The following ANKRD27 variants were observed in gnomAD, a reference collection of about 807,000 sequenced individuals.
The protein encoded by ANKRD27 is ankyrin repeat domain 27.
ANKRD27 carries 112 observed loss-of-function variants against 129.7 expected under a neutral mutation model. The ratio of observed to expected loss-of-function variants is 0.86; its 90% CI spans 0.74 to 1.01. ANKRD27 has a LOEUF of 1.01. ANKRD27 is among the 50% of genes least tolerant of loss of function. The probability of loss-of-function intolerance (pLI) is 0.00; values close to 1 mark genes in which losing one functional copy is unlikely to be tolerated. For synonymous variants in ANKRD27, 516 were observed against 511.2 expected, an observed-to-expected ratio of 1.01 and a Z score of -0.13; for missense variants, 1,258 against 1,300.5, an observed-to-expected ratio of 0.97 and a Z score of 0.50.
intron 1 of ANKRD27, among the ~76,000 whole-genome samples, chr19:32,663,206 G>A (rs144217646): frequency 6.6e-6 from 1 of 152,150 alleles, no homozygotes; most frequent in Non-Finnish European, 1.5e-5. Flanking sequence ...AAAGGCCATG[G>A]GGGGAGAGCG....
At chr19:32,606,176 AGAGTCTCGCTCTGTCGCCCAGGCTG>A (rs1188149816) in intron 23 of ANKRD27, among the ~76,000 whole-genome samples, 85 of 135,410 alleles carry the variant, frequency 6.3e-4, no homozygotes, top group Non-Finnish European at 1.1e-3. Flanking sequence ...TTTTCCAGAC[AGAGTCTCGCTCTGTCGCCCAGGCTG>A]GAGTGCAGTG....
intron 13 of ANKRD27, among the ~76,000 whole-genome samples, chr19:32,629,344 A>C (rs1966948685): frequency 6.6e-6 from 1 of 152,130 alleles, no homozygotes; most frequent in African/African-American, 2.4e-5. Context: ...CAACTGCACA[A>C]TGGTGGCCGG....
chr19:32,611,576 G>A (rs560399391), intron 22 of ANKRD27, among the ~76,000 whole-genome samples: 3 of 152,210 alleles, frequency 2.0e-5, no homozygotes, highest in South Asian at 4.1e-4. Flanking sequence ...ATTTTATAAA[G>A]TCAAATCCAT....
At chr19:32,656,753 C>G (rs1212199919) in intron 2 of ANKRD27, among the ~76,000 whole-genome samples, 1 of 149,786 alleles carries the variant, frequency 6.7e-6, no homozygotes, top group Non-Finnish European at 1.5e-5. Context: ...TCACTGTATT[C>G]TAGCCCAGGC....
intron 13 of ANKRD27, among the ~76,000 whole-genome samples, chr19:32,630,427 C>T (rs985366310): frequency 1.3e-5 from 2 of 152,238 alleles, no homozygotes; most frequent in African/African-American, 4.8e-5. Flanking sequence ...AGTCAGGCAC[C>T]GTGTTCCCAA....
rs1023689219 is a variant in ANKRD27 at position 32,644,209 on chromosome 19, A to G, written c.525+116T>C. 50 of 1,219,552 alleles carry G rather than the reference A, an allele frequency of 4.1e-5. 1 individual carries two copies. The highest frequency in any genetic ancestry group is 5.2e-5 in the Non-Finnish European group (45 of 869,696). 75.5% of individuals were successfully genotyped at this position (1,219,552 alleles called of 1,614,324 possible). On this transcript the variant is annotated intron_variant, in intron 5 of 28. Coordinates refer to ENST00000306065, the MANE Select transcript of ANKRD27 (RefSeq NM_032139.3). ...TTATAGTTAGAGAGAAACATTTTTA[A>G]AAGACTTCAAACAGTGAGGCAGCAC...
At chr19:32,657,461 CAAA>C (rs397859964) in intron 2 of ANKRD27, among the ~76,000 whole-genome samples, 1 of 98,300 alleles carries the variant, frequency 1.0e-5, no homozygotes, top group Admixed American at 1.2e-4. Flanking sequence ...GGCTCTGTCT[CAAA>C]AAAAAAAAAA....
intron 2 of ANKRD27, among the ~76,000 whole-genome samples, chr19:32,656,763 C>T (rs535766031): frequency 1.1e-3 from 164 of 146,610 alleles, no homozygotes; most frequent in African/African-American, 4.0e-3. Context: ...CTAGCCCAGG[C>T]TGGGGGACAA....
chr19:32,630,780 G>A (rs1039525505), intron 13 of ANKRD27, among the ~76,000 whole-genome samples: 9 of 152,102 alleles, frequency 5.9e-5, no homozygotes, highest in African/African-American at 9.6e-5. Context: ...ACAGGTGCCC[G>A]CCACCACACC....
At chr19:32,653,854 G>C (rs1348953529) in intron 2 of ANKRD27, among the ~76,000 whole-genome samples, 1 of 152,196 alleles carries the variant, frequency 6.6e-6, no homozygotes, top group Non-Finnish European at 1.5e-5. Flanking sequence ...TGCACGCAGG[G>C]AGAAGCGTGG....
rs146818631 is a variant in ANKRD27 at position 32,598,213 on chromosome 19, C to T, written c.3085G>A (p.Val1029Met). ...LRRHTVEDAV[V>M]SQGPEAAGPL... The stretch of plus-strand genomic sequence containing the variant: ...CCAGCAGCCTCCGGGCCCTGGGACA[C>T]GACCGCATCCTCTACCGTGTGTCTC... The change falls in exon 29 of 29, where the codon GTG becomes ATG. Residue 1029 changes from valine (V) to methionine (M), a missense_variant. By Grantham distance (21) the Val-to-Met change is conservative. Coordinates refer to ENST00000306065, the MANE Select transcript of ANKRD27 (RefSeq NM_032139.3). 66 of 1,614,130 alleles carry T rather than the reference C, an allele frequency of 4.1e-5. No homozygotes were observed. The highest frequency in any genetic ancestry group is 2.0e-4 in the African/African-American group (15 of 75,024).
intron 1 of ANKRD27, among the ~76,000 whole-genome samples, chr19:32,674,619 G>A (rs1425046034): frequency 6.6e-6 from 1 of 151,950 alleles, no homozygotes; most frequent in Non-Finnish European, 1.5e-5. Flanking sequence ...CCCGCTCCGC[G>A]CCCTCATCAC....
At chr19:32,635,353 T>G (rs111465047) in intron 12 of ANKRD27, among the ~76,000 whole-genome samples, 1 of 152,132 alleles carries the variant, frequency 6.6e-6, no homozygotes, top group African/African-American at 2.4e-5. Context: ...CACAGCCTCA[T>G]AGAAAACAAG....
intron 12 of ANKRD27, chr19:32,637,392 C>T (rs1358414098): frequency 3.3e-5 from 5 of 152,322 alleles, no homozygotes; most frequent in Admixed American, 2.0e-4. Context: ...AAGATTCTCA[C>T]GATTCACATA....
In ANKRD27 at chr19:32,640,379, A is replaced by G. The variant is rs1204022773; in HGVS notation, c.911T>C (p.Leu304Pro). The change falls in exon 11 of 29, where the codon CTG (leucine) becomes CCG (proline). Residue 304 changes from leucine to proline, a missense_variant. Leu to Pro is a moderately conservative substitution (Grantham distance 98). Transcript: ENST00000306065. ...CAGATCATCAGCACACATGGTCTCCAGGTTCACTGCAAAGGGGAAACACAC... is the reference window on the plus strand; with the variant it reads ...CAGATCATCAGCACACATGGTCTCCGGGTTCACTGCAAAGGGGAAACACAC... ...ITQSPSQRVN[L>P]ETMCADDLLS... is the part of the protein sequence containing the mutation. 2 of 1,613,878 alleles carry G rather than the reference A, an allele frequency of 1.2e-6. No individual in the cohort carries two copies. The highest frequency in any genetic ancestry group is 1.7e-6 in the Non-Finnish European group (2 of 1,179,774).
At chr19:32,630,415 G>A (rs955492560) in intron 13 of ANKRD27, among the ~76,000 whole-genome samples, 1 of 152,220 alleles carries the variant, frequency 6.6e-6, no homozygotes, top group Non-Finnish European at 1.5e-5. Flanking sequence ...AGACCACCAG[G>A]AAGTCAGGCA....
Position 32,624,291 on chromosome 19 carries a change from C to T in ANKRD27, c.1629+1583G>A, listed in dbSNP as rs370354508. ...CTGAGGCAGGAGAATCGCTTGAACC[C>T]GGGAGGCAGAGGTTGCAGTGAGCCA... On this transcript the variant is annotated intron_variant, in intron 17 of 28. Coordinates refer to ENST00000306065, the MANE Select transcript of ANKRD27 (RefSeq NM_032139.3). Among the ~76,000 whole-genome samples, 960 of 151,206 alleles carry T rather than the reference C, an allele frequency of 6.3e-3. 16 individuals are homozygous for T. The highest frequency in any genetic ancestry group is 6.0e-3 in the Non-Finnish European group (406 of 67,908).
intron 2 of ANKRD27, among the ~76,000 whole-genome samples, chr19:32,653,055 C>G (rs1329173666): frequency 1.3e-5 from 2 of 152,238 alleles, no homozygotes; most frequent in Non-Finnish European, 2.9e-5. Flanking sequence ...CCCACGCTGC[C>G]TTCTGTCCTG....
intron 2 of ANKRD27, among the ~76,000 whole-genome samples, chr19:32,653,346 A>C (rs1967456622): frequency 6.6e-6 from 1 of 152,100 alleles, no homozygotes; most frequent in Non-Finnish European, 1.5e-5. Context: ...CAGACAACTC[A>C]ATAAAAGAAC....
Sources: allele counts gnomAD v4.1 joint callset (sites outside exome capture counted in the v4.1 genomes callset), GRCh38; gene constraint gnomAD v4.1.1; transcripts MANE v1.5; gene names NCBI Gene and HGNC (gene_info 2026-07-23, HGNC 2026-07-21).